Variants in SEC24D observed in about 807,000 individuals in gnomAD.
SEC24D encodes protein transport protein Sec24D.
In SEC24D, 69 loss-of-function variants were observed where a neutral mutation model predicts 116.9. That is an observed-to-expected ratio of 0.59 (90% CI 0.49 to 0.72). The LOEUF is 0.72. SEC24D is among the 30% of genes least tolerant of loss of function. The pLI, the probability that SEC24D is intolerant of heterozygous loss-of-function variation, is 0.00. For missense variants in SEC24D, 1,131 were observed against 1,264.1 expected (o/e 0.89, Z 1.60); for synonymous variants, 405 against 442.8 (o/e 0.91, Z 1.07).
chr4:118,821,141 C>T (rs1730383729), intron 3 of SEC24D, among the ~76,000 whole-genome samples: 1 of 152,142 alleles, frequency 6.6e-6, no homozygotes, highest in African/African-American at 2.4e-5. Context: ...ATGAAAGTTC[C>T]ACCAAATCCT....
Position 118,752,865 on chromosome 4 carries a change from G to A in SEC24D, c.1445C>T (p.Ala482Val). Reference protein sequence around the residue: ...IPKEEQEETSAIRVGFITYNK... With the variant: ...IPKEEQEETSVIRVGFITYNK... ...ATATGTGATAAAACCCACTCGAATT[G>A]CAGACGTCTCTTCTTGCTCTTCCCT... is the stretch of plus-strand genomic sequence containing the variant. Residue 482 changes from alanine to valine, a missense_variant, in exon 12 of 23, where the codon GCA becomes GTA. Transcript: ENST00000280551. 1 of 1,584,472 alleles carries A rather than the reference G, an allele frequency of 6.3e-7. No individual in the cohort carries two copies. The highest frequency in any genetic ancestry group is 8.5e-7 in the Non-Finnish European group (1 of 1,169,770).
chr4:118,739,068 A>G, intron 18 of SEC24D, 81 bp downstream of exon 18: 1 of 1,423,794 alleles, frequency 7.0e-7, no homozygotes, highest in East Asian at 2.3e-5. Flanking sequence ...TTGCAAAACT[A>G]CAGTGCTTTT....
chr4:118,782,464 T>C (rs938399309), intron 8 of SEC24D, among the ~76,000 whole-genome samples: 1 of 152,156 alleles, frequency 6.6e-6, no homozygotes, highest in Non-Finnish European at 1.5e-5. Context: ...GCCTGATCCT[T>C]CCTCTGGAAG....
At chr4:118,784,747 C>CCA (rs1553926985) in intron 8 of SEC24D, among the ~76,000 whole-genome samples, 4 of 151,594 alleles carry the variant, frequency 2.6e-5, no homozygotes, top group African/African-American at 9.7e-5. Flanking sequence ...CTGCCCCCCC[C>CCA]CCCGCCACCA....
At chr4:118,790,190 C>G (rs1316787944) in intron 8 of SEC24D, among the ~76,000 whole-genome samples, 1 of 152,118 alleles carries the variant, frequency 6.6e-6, no homozygotes, top group African/African-American at 2.4e-5. Context: ...CTTGCTAATT[C>G]AATAAGCAAG....
At chr4:118,767,488 A>G (rs1330588888) in intron 9 of SEC24D, among the ~76,000 whole-genome samples, 2 of 152,238 alleles carry the variant, frequency 1.3e-5, no homozygotes, top group African/African-American at 2.4e-5. Flanking sequence ...AAAAATGTCA[A>G]TGAATATGGG....
intron 10 of SEC24D, among the ~76,000 whole-genome samples, chr4:118,759,906 T>C (rs1727285223): frequency 6.6e-6 from 1 of 152,192 alleles, no homozygotes; most frequent in Non-Finnish European, 1.5e-5. Flanking sequence ...CACATAAAAG[T>C]TCTGCCAGCA....
chr4:118,731,797 T>A (rs1269601241), intron 20 of SEC24D, among the ~76,000 whole-genome samples: 1 of 152,132 alleles, frequency 6.6e-6, no homozygotes, highest in African/African-American at 2.4e-5. Flanking sequence ...GTGTCGCTGA[T>A]AAAGGTGCGG....
At chr4:118,750,060 C>G (rs550630396) in intron 13 of SEC24D, among the ~76,000 whole-genome samples, 7 of 152,182 alleles carry the variant, frequency 4.6e-5, no homozygotes, top group Admixed American at 4.6e-4. Context: ...ATATGCATTA[C>G]TATAACAATA....
At chr4:118,784,206 A>C (rs1295840982) in intron 8 of SEC24D, among the ~76,000 whole-genome samples, 1 of 152,258 alleles carries the variant, frequency 6.6e-6, no homozygotes, top group Non-Finnish European at 1.5e-5. Context: ...AGTTGAGAAA[A>C]AAATTTAATT....
At chr4:118,799,220 G>T (rs542819861) in intron 7 of SEC24D, among the ~76,000 whole-genome samples, 1 of 152,202 alleles carries the variant, frequency 6.6e-6, no homozygotes, top group Non-Finnish European at 1.5e-5. Flanking sequence ...AAGGTGTGAA[G>T]ATGTGAGTGT....
intron 12 of SEC24D, 27 bp from the exon 13 acceptor site, chr4:118,752,116 T>C: frequency 7.1e-7 from 1 of 1,404,222 alleles, no homozygotes; most frequent in Non-Finnish European, 1.0e-6. Context: ...AGCAAAAGGT[T>C]TGAAATGTTT....
At chr4:118,788,855 T>C (rs1728766688) in intron 8 of SEC24D, among the ~76,000 whole-genome samples, 1 of 152,252 alleles carries the variant, frequency 6.6e-6, no homozygotes, top group East Asian at 1.9e-4. Flanking sequence ...ACCACCATTC[T>C]GTGATATGGT....
chr4:118,723,890 T>C (rs1725275132), intron 22 of SEC24D, among the ~76,000 whole-genome samples: 1 of 152,034 alleles, frequency 6.6e-6, no homozygotes, highest in Non-Finnish European at 1.5e-5. Context: ...AAGCAGAGTG[T>C]TACGGGAAAG....
Position 118,823,137 on chromosome 4 carries a change from C to A in SEC24D, c.248+1483G>T, listed in dbSNP as rs531438217. On this transcript the variant is annotated intron_variant, in intron 3 of 22. Transcript: ENST00000280551. ...CATTTTGGTTCTCCGTCTTTTTGCT[C>A]TTCCTCTCTTGCCTTTCTATCACTC... is the stretch of plus-strand genomic sequence containing the variant. Among the ~76,000 whole-genome samples the A allele has an allele frequency of 2.6e-5, 4 of 152,294 alleles. No individual in the cohort carries two copies. In the South Asian group the frequency reaches 8.3e-4, roughly 32 times the overall value.
At chr4:118,813,001 C>T (rs1001737955) in intron 6 of SEC24D, among the ~76,000 whole-genome samples, 30 of 152,190 alleles carry the variant, frequency 2.0e-4, no homozygotes, top group Non-Finnish European at 5.9e-5. Flanking sequence ...GCGAGCCACA[C>T]CCCCACTGCA....
chr4:118,731,785 G>A (rs910640155), intron 20 of SEC24D, among the ~76,000 whole-genome samples: 8 of 152,318 alleles, frequency 5.3e-5, no homozygotes, highest in African/African-American at 1.7e-4. Flanking sequence ...GTGGGATGGG[G>A]TGTGTCGCTG....
intron 2 of SEC24D, among the ~76,000 whole-genome samples, chr4:118,827,968 A>T (rs1730653559): frequency 6.6e-6 from 1 of 152,146 alleles, no homozygotes; most frequent in African/African-American, 2.4e-5. Context: ...TATCTAAAAT[A>T]AACAAAGATA....
rs1729238654 is a variant in SEC24D, at chr4:118,797,666, T to G, written c.1041+17A>C. ...GAATTGATAAATTATTGAATTGCTATTATATATCATTCTTACCTCATTTGA... is the reference window on the plus strand; with the variant it reads ...GAATTGATAAATTATTGAATTGCTAGTATATATCATTCTTACCTCATTTGA... On this transcript the variant is annotated intron_variant, in intron 8 of 22. Coordinates refer to ENST00000280551, the MANE Select transcript of SEC24D (RefSeq NM_014822.4). 2 of 1,550,242 alleles carry G rather than the reference T, an allele frequency of 1.3e-6. No homozygotes were observed. Among genetic ancestry groups the G allele is most frequent in the Admixed American group, 1.9e-5 (1 of 53,400 alleles).
Sources: gnomAD v4.1 joint callset for allele counts (sites outside exome capture counted in the v4.1 genomes callset) on GRCh38, gnomAD v4.1.1 for gene constraint, MANE v1.5 for transcripts, NCBI Gene and HGNC (gene_info 2026-07-23, HGNC 2026-07-21) for gene names.